Variants in ENPP1 observed in about 807,000 individuals in gnomAD.
ENPP1 encodes ectonucleotide pyrophosphatase/phosphodiesterase 1, also known as ectonucleotide pyrophosphatase/phosphodiesterase family member 1.
ENPP1 carries 73 observed loss-of-function variants against 122.8 expected under a neutral mutation model. That is an observed-to-expected ratio of 0.59 (90% CI 0.49 to 0.72). ENPP1 has a LOEUF of 0.72. Ranked by LOEUF, ENPP1 falls within the 30% of genes least tolerant of loss-of-function variation. ENPP1 has a pLI of 0.00. For missense variants in ENPP1, 978 were observed against 1,128.1 expected, an observed-to-expected ratio of 0.87 and a Z score of 1.91; for synonymous variants, 367 against 391.6, an observed-to-expected ratio of 0.94 and a Z score of 0.74.
At chr6:131,868,618 T>G (rs1782119688) in intron 12 of ENPP1, among the ~76,000 whole-genome samples, 1 of 152,134 alleles carries the variant, frequency 6.6e-6, no homozygotes, top group Non-Finnish European at 1.5e-5. Context: ...TAAAAAAAAT[T>G]TTTTTTGGTA....
intron 1 of ENPP1, among the ~76,000 whole-genome samples, chr6:131,818,637 G>C (rs2114656314): frequency 8.1e-6 from 1 of 122,906 alleles, no homozygotes; most frequent in East Asian, 2.3e-4. Flanking sequence ...GACACAGCGA[G>C]ACTCTGTCTC....
Position 131,894,349 on chromosome 6 carries a change from G to GCA in ENPP1, c.*3838_*3839insCA, listed in dbSNP as rs1782516819. 6.6e-6 allele frequency: 1 copy of GCA among 150,740 alleles called. No homozygotes were observed. The highest frequency in any genetic ancestry group is 2.5e-5 in the African/African-American group (1 of 40,548). The allele number at this position is 150,740 out of a possible 1,614,324, so 9.3% of individuals were successfully genotyped here. A position where few individuals can be genotyped will look rare whatever the true frequency, so the allele number is the denominator to read the frequency against. On this transcript the variant is annotated 3_prime_UTR_variant, in exon 25 of 25. Transcript: ENST00000647893. ...GGCCCAGGCTAGACTGCAGTGGCAT[G>GCA]ATCTCGGCTCACTGCAACCTCCACC...
chr6:131,888,709 G>T (rs922961965), intron 24 of ENPP1, among the ~76,000 whole-genome samples: 1 of 151,850 alleles, frequency 6.6e-6, no homozygotes, highest in Non-Finnish European at 1.5e-5. Context: ...ATTTTAGTTG[G>T]TTGCCTGATG....
intron 1 of ENPP1, among the ~76,000 whole-genome samples, chr6:131,810,288 G>A (rs1781332003): frequency 6.6e-6 from 1 of 152,184 alleles, no homozygotes; most frequent in African/African-American, 2.4e-5. Context: ...GCCAGGGAAA[G>A]TTAAGGCTGC....
chr6:131,811,914 A>T (rs532012836), intron 1 of ENPP1, among the ~76,000 whole-genome samples: 2 of 152,174 alleles, frequency 1.3e-5, no homozygotes, highest in Admixed American at 1.3e-4. Flanking sequence ...GGGAAGGCTC[A>T]TTTCCGGATA....
chr6:131,851,267 G>C lies in ENPP1; in HGVS notation c.556G>C (p.Gly186Arg), dbSNP rs1781877793. Residue 186 changes from glycine to arginine, a missense_variant and splice_region_variant, in exon 4 of 25, where the codon GGT becomes CGT. Around this residue, in one of 3 missense-constraint regions of ENPP1, gnomAD observed 330 missense variants for 328.5 expected, o/e 1.00. Coordinates refer to ENST00000647893, the MANE Select transcript of ENPP1 (RefSeq NM_006208.3). ...CCINYSSVCQ[G>R]EKSWVEEPCE... is the part of the protein sequence containing the mutation. The stretch of plus-strand genomic sequence containing the variant: ...CATCAACTACAGTTCTGTGTGTCAA[G>C]GTCAGGTGCTCGTTGGGCTCTGCAG... The C allele has an allele frequency of 6.2e-7, 1 of 1,614,104 alleles. No homozygotes were observed. The highest frequency in any genetic ancestry group is 8.5e-7 in the Non-Finnish European group (1 of 1,179,980).
rs759422878 is a variant in ENPP1 at position 131,873,059 on chromosome 6, T to C, written c.1565+9T>C. On this transcript the variant is annotated intron_variant, in intron 15 of 24. Coordinates refer to ENST00000647893, the MANE Select transcript of ENPP1 (RefSeq NM_006208.3). ...CAGTGGCAACTTGCATTGTAAGTTCTGACAGTCTCCCAGGTAAACTTAGTC... is the reference window on the plus strand; with the variant it reads ...CAGTGGCAACTTGCATTGTAAGTTCCGACAGTCTCCCAGGTAAACTTAGTC... The C allele has an allele frequency of 6.2e-7, 1 of 1,613,618 alleles. No homozygotes were observed. Among genetic ancestry groups the C allele is most frequent in the Non-Finnish European group, 8.5e-7 (1 of 1,179,566 alleles).
chr6:131,878,676 G>C, intron 19 of ENPP1, 83 bp downstream of exon 19: 1 of 1,022,130 alleles, frequency 9.8e-7, no homozygotes, highest in Non-Finnish European at 1.5e-6. Flanking sequence ...TGGCTTGGGG[G>C]TATTATTTGA....
At chr6:131,842,891 A>T (rs1025704056) in intron 1 of ENPP1, among the ~76,000 whole-genome samples, 8 of 150,388 alleles carry the variant, frequency 5.3e-5, no homozygotes, top group African/African-American at 1.5e-4. Flanking sequence ...AGGGAAAAAA[A>T]TTTTTTTTTT....
At chr6:131,826,465 T>C in intron 1 of ENPP1, 1 of 985,764 alleles carries the variant, frequency 1.0e-6, no homozygotes, top group South Asian at 1.4e-5. Flanking sequence ...AGTAATGTTA[T>C]TGTGCCATAA....
At chr6:131,875,720 G>T in intron 16 of ENPP1, 56 bp from the exon 17 acceptor site, 1 of 1,416,598 alleles carries the variant, frequency 7.1e-7, no homozygotes, top group South Asian at 1.1e-5. Flanking sequence ...GAATTTTTGG[G>T]ACCAACTTGT....
intron 1 of ENPP1, chr6:131,827,398 T>C (rs1781558574): frequency 2.6e-6 from 2 of 755,418 alleles, no homozygotes; most frequent in Middle Eastern, 2.5e-4. Context: ...TATTGCTTCA[T>C]GGATCTCCTC....
At chr6:131,853,787 T>C (rs1351533199) in intron 5 of ENPP1, among the ~76,000 whole-genome samples, 1 of 152,182 alleles carries the variant, frequency 6.6e-6, no homozygotes, top group East Asian at 1.9e-4. Flanking sequence ...TCCAGTGTTA[T>C]AGAAGTTCCC....
At chr6:131,808,448 G>C (rs1781309394) in intron 1 of ENPP1, among the ~76,000 whole-genome samples, 173 bp downstream of exon 1, 1 of 152,210 alleles carries the variant, frequency 6.6e-6, no homozygotes, top group South Asian at 2.1e-4. Context: ...GCCCTACACA[G>C]CCGCCCCTGC....
intron 15 of ENPP1, 39 bp downstream of exon 15, chr6:131,873,089 C>CG: frequency 6.2e-7 from 1 of 1,610,904 alleles, no homozygotes; most frequent in South Asian, 1.1e-5. Flanking sequence ...TTAGTCTGAT[C>CG]GGTTAGTGAT....
Position 131,872,053 on chromosome 6 carries a change from T to C in ENPP1, c.1406-17T>C, listed in dbSNP as rs1782168973. The C allele has an allele frequency of 5.1e-6, 8 of 1,559,614 alleles. No homozygotes were observed. The highest frequency in any genetic ancestry group is 1.1e-5 in the South Asian group (1 of 89,652). ...GTATACAATCAACTATTAATTCTTA[T>C]GTTTGTTCCCCTCCAGTTAACTATG... On this transcript the variant is annotated splice_polypyrimidine_tract_variant and intron_variant, in intron 13 of 24. Transcript: ENST00000647893.
At chr6:131,867,381 A>G (rs1185650624) in intron 11 of ENPP1, among the ~76,000 whole-genome samples, 1 of 152,194 alleles carries the variant, frequency 6.6e-6, no homozygotes, top group African/African-American at 2.4e-5. Context: ...GTTTGCCAAT[A>G]TCATTTGTCA....
chr6:131,883,594 A>G (rs1215567650), intron 21 of ENPP1, 100 bp from the exon 22 acceptor site: 4 of 702,702 alleles, frequency 5.7e-6, no homozygotes, highest in Non-Finnish European at 1.0e-5. Flanking sequence ...TTAAGATGGT[A>G]CTCAGCTAAT....
Position 131,860,533 on chromosome 6 carries a change from T to G in ENPP1, c.915+27T>G, listed in dbSNP as rs9493113. ...TGAGTTCTTTGTTTTTCTACTAAAA[T>G]AGTTAATTATTCTCATCTATTTCAA... On this transcript the variant is annotated intron_variant, in intron 8 of 24. Transcript: ENST00000647893. 0.11 allele frequency: 161,435 copies of G among 1,525,118 alleles called. 12,138 individuals carry two copies. The highest frequency in any genetic ancestry group is 0.38 in the African/African-American group (27,873 of 72,680). 94.5% of individuals were successfully genotyped at this position (1,525,118 alleles called of 1,614,324 possible). A position where few individuals can be genotyped will look rare whatever the true frequency, so the allele number is the denominator to read the frequency against.
Sources: allele counts gnomAD v4.1 joint callset (sites outside exome capture counted in the v4.1 genomes callset), GRCh38; gene constraint gnomAD v4.1.1; regional missense constraint gnomAD v4.1.1; transcripts MANE v1.5; gene names NCBI Gene and HGNC (gene_info 2026-07-23, HGNC 2026-07-21).